Variants in SV2C observed in about 807,000 individuals in gnomAD.
The protein encoded by SV2C is solute carrier family 22 member B3.
Under a neutral mutation model 79.7 loss-of-function variants are expected in SV2C, and 49 were observed. That is an observed-to-expected ratio of 0.61 (90% CI 0.49 to 0.78). The LOEUF (loss-of-function observed/expected upper bound fraction) is 0.78. Among genes scored for constraint, SV2C ranks in the 30% least tolerant of loss-of-function variants. SV2C has a pLI of 0.00. For missense variants in SV2C, 833 were observed against 912.9 expected, an observed-to-expected ratio of 0.91 and a Z score of 1.13; for synonymous variants, 334 against 333.2, an observed-to-expected ratio of 1.00 and a Z score of -0.03.
intron 4 of SV2C, among the ~76,000 whole-genome samples, chr5:76,216,083 A>G (rs1329946922): frequency 6.6e-6 from 1 of 151,876 alleles, no homozygotes; most frequent in African/African-American, 2.4e-5. Flanking sequence ...GGATTGCTCT[A>G]AGGGCTAGTG....
At chr5:75,925,713 A>T in the SV2C span, among the ~76,000 whole-genome samples, 21 of 150,822 alleles carry the variant, frequency 1.4e-4, no homozygotes, top group East Asian at 4.1e-3. Context: ...ATGTTCATTT[A>T]AAAAATAAAT....
At chr5:76,190,912 G>A (rs1376964846) in intron 2 of SV2C, among the ~76,000 whole-genome samples, 1 of 152,002 alleles carries the variant, frequency 6.6e-6, no homozygotes, top group East Asian at 1.9e-4. Context: ...CAAAAATTTT[G>A]TTTTAACCTA....
At position 76,131,168 on chromosome 5, in the gene SV2C, G is replaced by A. The variant is rs35011511; in HGVS notation, c.-101-482G>A. On this transcript the variant is annotated intron_variant, in intron 1 of 12. Coordinates refer to ENST00000502798, the MANE Select transcript of SV2C (RefSeq NM_014979.4). ...AAATATAGCTATAGTTTGATTGATA[G>A]CAATTGTATATGGGGCTGCTTGCTT... Among the ~76,000 whole-genome samples the A allele has an allele frequency of 2.7e-3, 417 of 152,276 alleles. 1 individual carries two copies. The highest frequency in any genetic ancestry group is 3.8e-3 in the Non-Finnish European group (259 of 68,024).
intron 4 of SV2C, among the ~76,000 whole-genome samples, chr5:76,281,597 C>T (rs1018490979): frequency 1.3e-5 from 2 of 152,160 alleles, no homozygotes; most frequent in Non-Finnish European, 2.9e-5. Context: ...TTCTAGAGAT[C>T]AAAAGTTTAA....
At chr5:76,037,602 T>A in the SV2C span, among the ~76,000 whole-genome samples, 1 of 152,166 alleles carries the variant, frequency 6.6e-6, no homozygotes, top group Admixed American at 6.5e-5. Flanking sequence ...AGTCTGCCCG[T>A]TCTCAGATCT....
At chr5:75,894,698 G>C in the SV2C span, among the ~76,000 whole-genome samples, 523 of 152,178 alleles carry the variant, frequency 3.4e-3, 1 homozygote, top group African/African-American at 0.012. Context: ...TGAGGTGATA[G>C]ATAACAGTTT....
the SV2C span, among the ~76,000 whole-genome samples, chr5:76,074,875 T>C: frequency 6.6e-6 from 1 of 152,186 alleles, no homozygotes; most frequent in Non-Finnish European, 1.5e-5. Context: ...ATCCATCTTG[T>C]TTTCCCAACA....
intron 3 of SV2C, among the ~76,000 whole-genome samples, chr5:76,209,358 A>C (rs1744699822): frequency 6.6e-6 from 1 of 152,198 alleles, no homozygotes; most frequent in African/African-American, 2.4e-5. Flanking sequence ...CAGTTTTTAA[A>C]AACAAGTTAA....
chr5:76,179,573 T>C (rs1179006819), intron 2 of SV2C, among the ~76,000 whole-genome samples: 1 of 152,224 alleles, frequency 6.6e-6, no homozygotes, highest in Non-Finnish European at 1.5e-5. Context: ...AGCACCTGAA[T>C]ATCTGGGTGA....
chr5:76,097,771 GAGA>G (rs1747611789), intron 1 of SV2C, among the ~76,000 whole-genome samples: 1 of 152,160 alleles, frequency 6.6e-6, no homozygotes, highest in Non-Finnish European at 1.5e-5. Context: ...GGTGGGAAAG[GAGA>G]AGGATATAAT....
intron 3 of SV2C, among the ~76,000 whole-genome samples, chr5:76,199,087 C>A (rs1193126437): frequency 6.6e-6 from 1 of 152,038 alleles, no homozygotes; most frequent in East Asian, 1.9e-4. Flanking sequence ...GTATTTAAAC[C>A]CTTCATTCCT....
chr5:75,974,141 A>G, the SV2C span, among the ~76,000 whole-genome samples: 4 of 151,946 alleles, frequency 2.6e-5, no homozygotes, highest in Non-Finnish European at 4.4e-5. Context: ...AACAATAATG[A>G]TCCTGAGTTA....
At chr5:76,101,639 T>C (rs1446246814) in intron 1 of SV2C, among the ~76,000 whole-genome samples, 1 of 152,180 alleles carries the variant, frequency 6.6e-6, no homozygotes, top group African/African-American at 2.4e-5. Flanking sequence ...GCAGTTGATG[T>C]CAGGGACAGT....
At chr5:76,267,759 A>G (rs955527296) in intron 4 of SV2C, among the ~76,000 whole-genome samples, 2 of 152,222 alleles carry the variant, frequency 1.3e-5, no homozygotes, top group Non-Finnish European at 2.9e-5. Context: ...ATCAGTAGGA[A>G]TTTTCCAGGC....
the SV2C span, among the ~76,000 whole-genome samples, chr5:76,022,841 T>C: frequency 6.6e-6 from 1 of 152,244 alleles, no homozygotes; most frequent in South Asian, 2.1e-4. Flanking sequence ...TTTGATTTAT[T>C]AATGCAGTTT....
chr5:76,145,448 A>G (rs1749389980), intron 2 of SV2C, among the ~76,000 whole-genome samples: 1 of 152,198 alleles, frequency 6.6e-6, no homozygotes, highest in Non-Finnish European at 1.5e-5. Context: ...TTAAATTTAG[A>G]TAATTATGAT....
chr5:75,949,504 CA>C, the SV2C span, among the ~76,000 whole-genome samples: 1 of 151,972 alleles, frequency 6.6e-6, no homozygotes, highest in African/African-American at 2.4e-5. Context: ...ATCTCACCTT[CA>C]ATTGTAGCTC....
chr5:75,893,979 TA>T, the SV2C span, among the ~76,000 whole-genome samples: 1 of 152,044 alleles, frequency 6.6e-6, no homozygotes, highest in Non-Finnish European at 1.5e-5. Flanking sequence ...GCCAGCAAGG[TA>T]GGTGGGAACC....
At chr5:76,027,059 C>CTTT in the SV2C span, among the ~76,000 whole-genome samples, 16 of 122,182 alleles carry the variant, frequency 1.3e-4, no homozygotes, top group East Asian at 2.3e-4. Flanking sequence ...TTTCAGTTGT[C>CTTT]TTTTTTTTTT....
Sources: allele counts gnomAD v4.1 joint callset (sites outside exome capture counted in the v4.1 genomes callset), GRCh38; gene constraint gnomAD v4.1.1; transcripts MANE v1.5; gene names NCBI Gene and HGNC (gene_info 2026-07-23, HGNC 2026-07-21).